RGS7: variants seen among roughly 807,000 people sequenced by gnomAD.
The protein encoded by RGS7 is regulator of G-protein signaling 7.
In RGS7, 27 loss-of-function variants were observed where a neutral mutation model predicts 81.1. That is an observed-to-expected ratio of 0.33 (90% CI 0.25 to 0.46). The LOEUF (loss-of-function observed/expected upper bound fraction) is 0.46, where lower values mean the gene tolerates loss of function less well. Ranked by LOEUF, RGS7 falls within the 20% of genes least tolerant of loss-of-function variation. The probability of loss-of-function intolerance (pLI) is 1.00; values close to 1 mark genes in which losing one functional copy is unlikely to be tolerated. For synonymous variants in RGS7, 208 were observed against 207.7 expected, an observed-to-expected ratio of 1.00 and a Z score of -0.01; for missense variants, 396 against 607.4, an observed-to-expected ratio of 0.65 and a Z score of 3.66.
intron 2 of RGS7, among the ~76,000 whole-genome samples, chr1:241,290,607 C>T (rs1160221843): frequency 6.6e-6 from 1 of 152,192 alleles, no homozygotes; most frequent in East Asian, 1.9e-4. Flanking sequence ...ATGATCCTCT[C>T]AACTGCACGT....
intron 4 of RGS7, among the ~76,000 whole-genome samples, chr1:240,971,425 G>A (rs757941348): frequency 8.5e-5 from 13 of 152,142 alleles, no homozygotes; most frequent in Non-Finnish European, 1.3e-4. Flanking sequence ...CTCCTAATAC[G>A]CTGAAATGAA....
chr1:241,318,333 C>T (rs182557140), intron 2 of RGS7, among the ~76,000 whole-genome samples: 198 of 152,236 alleles, frequency 1.3e-3, no homozygotes, highest in Admixed American at 2.4e-3. Flanking sequence ...ACGTAGATGA[C>T]ATCAAAGAGC....
In RGS7 at chr1:241,349,645, G is replaced by A. The variant is rs74150277; in HGVS notation, c.78+6054C>T. Among the ~76,000 whole-genome samples, 729 of 152,258 alleles carry A rather than the reference G, an allele frequency of 4.8e-3. 8 individuals carry two copies. The highest frequency in any genetic ancestry group is 0.016 in the African/African-American group (680 of 41,540). On this transcript the variant is annotated intron_variant, in intron 2 of 18. Coordinates refer to ENST00000440928, the MANE Select transcript of RGS7 (RefSeq NM_001364886.1). ...AAAGAAGTGGGCCTTTGTTTCCTACGGAACTGGGCACCCACTCTATCATCT... is the reference window on the plus strand; with the variant it reads ...AAAGAAGTGGGCCTTTGTTTCCTACAGAACTGGGCACCCACTCTATCATCT...
intron 5 of RGS7, among the ~76,000 whole-genome samples, chr1:240,932,991 C>G (rs1163813682): frequency 7.0e-6 from 1 of 142,122 alleles, no homozygotes; most frequent in Non-Finnish European, 1.5e-5. Context: ...TCACGCCATT[C>G]TCCTGCCTCA....
chr1:240,933,097 T>C (rs564054120), intron 5 of RGS7, among the ~76,000 whole-genome samples: 104 of 150,410 alleles, frequency 6.9e-4, no homozygotes, highest in South Asian at 1.3e-3. Flanking sequence ...TTAGCCAGGA[T>C]GGTCTCCATC....
chr1:241,276,210 T>C (rs762729527), intron 2 of RGS7, among the ~76,000 whole-genome samples: 9 of 152,228 alleles, frequency 5.9e-5, no homozygotes, highest in Non-Finnish European at 1.0e-4. Context: ...CTTTAGGAGA[T>C]CAGCTCAGAA....
At chr1:240,931,802 C>T (rs971083114) in intron 5 of RGS7, among the ~76,000 whole-genome samples, 8 of 151,888 alleles carry the variant, frequency 5.3e-5, no homozygotes, top group East Asian at 1.9e-4. Flanking sequence ...AATGTCTGAC[C>T]GAGAGAAACT....
At chr1:241,329,882 T>G (rs917067176) in intron 2 of RGS7, among the ~76,000 whole-genome samples, 28 of 152,162 alleles carry the variant, frequency 1.8e-4, no homozygotes, top group African/African-American at 6.5e-4. Context: ...CAAGTGCTAA[T>G]CAATAAGTCA....
intron 3 of RGS7, among the ~76,000 whole-genome samples, chr1:241,035,891 T>C (rs2060302204): frequency 6.6e-6 from 1 of 152,234 alleles, no homozygotes; most frequent in Admixed American, 6.5e-5. Context: ...CTTCGTTGAA[T>C]TATCTTCCCT....
intron 2 of RGS7, among the ~76,000 whole-genome samples, chr1:241,202,779 A>T (rs2147864764): frequency 6.9e-6 from 1 of 145,852 alleles, no homozygotes; most frequent in South Asian, 2.1e-4. Context: ...GGGGGCAGTT[A>T]GAGTAGTATT....
intron 3 of RGS7, among the ~76,000 whole-genome samples, chr1:241,007,080 C>T (rs2058720133): frequency 6.6e-6 from 1 of 152,010 alleles, no homozygotes; most frequent in African/African-American, 2.4e-5. Flanking sequence ...CCATGCCCAG[C>T]TATTTTTTGT....
intron 3 of RGS7, among the ~76,000 whole-genome samples, chr1:241,016,270 A>G (rs1381099067): frequency 1.3e-5 from 2 of 152,182 alleles, no homozygotes; most frequent in Non-Finnish European, 2.9e-5. Flanking sequence ...CTGTAATCCT[A>G]GCACTTTGGG....
intron 18 of RGS7, among the ~76,000 whole-genome samples, chr1:240,779,142 T>C (rs1228982493): frequency 2.0e-5 from 3 of 150,830 alleles, no homozygotes; most frequent in Admixed American, 6.6e-5. Flanking sequence ...TGTGTGACAG[T>C]CTCACTCTGT....
At chr1:241,128,816 G>A (rs1235581495) in intron 2 of RGS7, among the ~76,000 whole-genome samples, 3 of 136,982 alleles carry the variant, frequency 2.2e-5, no homozygotes, top group African/African-American at 8.0e-5. Flanking sequence ...AGAGGAATAA[G>A]TAGGGAATTT....
At chr1:240,825,497 T>C (rs2103185611) in intron 10 of RGS7, among the ~76,000 whole-genome samples, 1 of 152,372 alleles carries the variant, frequency 6.6e-6, no homozygotes, top group East Asian at 1.9e-4. Flanking sequence ...GTATACCTGT[T>C]ATTTGCTGTC....
intron 3 of RGS7, among the ~76,000 whole-genome samples, chr1:241,046,785 A>G (rs899808240): frequency 4.6e-5 from 7 of 152,096 alleles, no homozygotes; most frequent in African/African-American, 1.7e-4. Flanking sequence ...CTGTAGACAG[A>G]TGATTTTTCT....
intron 3 of RGS7, among the ~76,000 whole-genome samples, chr1:241,005,351 C>T (rs554029687): frequency 7.7e-4 from 117 of 152,180 alleles, no homozygotes; most frequent in African/African-American, 2.5e-3. Context: ...TGCACCACGT[C>T]GATTAAGGTA....
At chr1:241,127,775 C>G (rs368843957) in intron 2 of RGS7, among the ~76,000 whole-genome samples, 14 of 152,040 alleles carry the variant, frequency 9.2e-5, no homozygotes, top group East Asian at 3.9e-4. Flanking sequence ...GTGTTGACTA[C>G]AAATATTAGT....
chr1:240,975,979 C>T (rs1684011720), intron 4 of RGS7, among the ~76,000 whole-genome samples: 1 of 152,202 alleles, frequency 6.6e-6, no homozygotes, highest in African/African-American at 2.4e-5. Context: ...GTGGATGAGG[C>T]AATAGCAAAT....
Sources: allele counts gnomAD v4.1 joint callset (sites outside exome capture counted in the v4.1 genomes callset), GRCh38; gene constraint gnomAD v4.1.1; transcripts MANE v1.5; gene names NCBI Gene and HGNC (gene_info 2026-07-23, HGNC 2026-07-21).